Variants in CIB1 observed in about 807,000 individuals in gnomAD.
CIB1 encodes the protein calcium and integrin binding 1, also known as calcium and integrin-binding protein 1.
Under a neutral mutation model 25.0 loss-of-function variants are expected in CIB1, and 19 were observed. The observed-to-expected ratio is 0.76, with a 90% CI of 0.53 to 1.12. The LOEUF is 1.12. CIB1 is among the 50% of genes most tolerant of loss of function. CIB1 has a pLI of 0.00. For missense variants in CIB1, 236 were observed against 242.6 expected (o/e 0.97, Z 0.18); for synonymous variants, 104 against 98.5 (o/e 1.06, Z -0.33).
At chr15:90,231,975 G>C (rs931483220) in intron 3 of CIB1, among the ~76,000 whole-genome samples, 1 of 152,214 alleles carries the variant, frequency 6.6e-6, no homozygotes, top group Non-Finnish European at 1.5e-5. Flanking sequence ...CCTCTTAAGG[G>C]ACAAAACTTC....
Position 90,232,364 on chromosome 15 carries a change from A to C in CIB1, c.87-37T>G. 6.4e-7 allele frequency: 1 copy of C among 1,574,134 alleles called. No individual in the cohort carries two copies. On this transcript the variant is annotated intron_variant, in intron 2 of 6. Coordinates refer to ENST00000328649, the MANE Select transcript of CIB1 (RefSeq NM_006384.4). ...AGGGGAACTGTCGGTGTTCTCAGCGATCGGTCTCCCTGTGTGTTCATTCCC... is the reference window on the plus strand; with the variant it reads ...AGGGGAACTGTCGGTGTTCTCAGCGCTCGGTCTCCCTGTGTGTTCATTCCC...
chr15:90,256,239 G>A, the CIB1 span: 24 of 1,614,144 alleles, frequency 1.5e-5, no homozygotes, highest in Non-Finnish European at 1.9e-5. Flanking sequence ...TTCATTACCC[G>A]AAATCCCCGG....
At chr15:90,258,413 A>G in the CIB1 span, 4 of 740,346 alleles carry the variant, frequency 5.4e-6, no homozygotes, top group Admixed American at 4.8e-5. Context: ...AGCAGAAGGC[A>G]TAAGATCTCT....
the CIB1 span, chr15:90,250,548 T>G: frequency 2.7e-6 from 4 of 1,502,042 alleles, no homozygotes; most frequent in Non-Finnish European, 3.6e-6. Context: ...GGTGGATTCC[T>G]TCAGGCCTTC....
At chr15:90,241,295 C>T in the CIB1 span, 2 of 1,614,192 alleles carry the variant, frequency 1.2e-6, no homozygotes, top group Non-Finnish European at 1.7e-6. Flanking sequence ...TCAACAAGAT[C>T]CGGCCCGGAG....
At chr15:90,257,111 T>C in the CIB1 span, 1 of 1,602,622 alleles carries the variant, frequency 6.2e-7, no homozygotes, top group Non-Finnish European at 8.5e-7. Context: ...AGTGTTATTA[T>C]TCCCTCATGG....
At chr15:90,262,041 T>C in the CIB1 span, 2 of 1,535,642 alleles carry the variant, frequency 1.3e-6, no homozygotes, top group Non-Finnish European at 1.7e-6. Context: ...GTGGCAATGC[T>C]GGACCAGGAA....
At chr15:90,250,670 G>C in the CIB1 span, 1 of 1,614,152 alleles carries the variant, frequency 6.2e-7, no homozygotes, top group Non-Finnish European at 8.5e-7. Flanking sequence ...ATCAGAGGAA[G>C]ACTATGTTGA....
chr15:90,261,309 C>G, the CIB1 span, among the ~76,000 whole-genome samples: 1 of 151,088 alleles, frequency 6.6e-6, no homozygotes, highest in African/African-American at 2.4e-5. Flanking sequence ...GAATTCCCAA[C>G]CTCAAGTGAT....
the CIB1 span, chr15:90,257,242 T>G: frequency 4.3e-6 from 7 of 1,614,120 alleles, 1 homozygote; most frequent in South Asian, 7.7e-5. Context: ...TAGCCCGTTT[T>G]GCCACCACGC....
the CIB1 span, among the ~76,000 whole-genome samples, chr15:90,256,888 A>C: frequency 6.6e-6 from 1 of 151,788 alleles, no homozygotes; most frequent in Non-Finnish European, 1.5e-5. Flanking sequence ...GGGTTTCACC[A>C]TCTTGGCCAG....
the CIB1 span, chr15:90,263,422 C>T: frequency 2.1e-6 from 1 of 483,938 alleles, no homozygotes; most frequent in African/African-American, 1.9e-5. Flanking sequence ...CCCAAAATAA[C>T]CCCACACTCA....
chr15:90,230,574 C>T (rs552698988), intron 6 of CIB1, 69 bp from the exon 7 acceptor site: 10 of 1,498,640 alleles, frequency 6.7e-6, no homozygotes, highest in African/African-American at 1.4e-5. Context: ...GAACTTGCCC[C>T]CTTCTCCCTT....
the CIB1 span, among the ~76,000 whole-genome samples, chr15:90,251,367 AC>A: frequency 7.1e-6 from 1 of 140,874 alleles, no homozygotes; most frequent in Admixed American, 7.7e-5. Context: ...CTTGTGATCC[AC>A]CCGCCTCGGC....
chr15:90,249,586 ACGGCCAC>A, the CIB1 span: 1 of 152,292 alleles, frequency 6.6e-6, no homozygotes, highest in Admixed American at 6.5e-5. Flanking sequence ...AGCCGCAGCC[ACGGCCAC>A]CGGGAGCTAG....
chr15:90,246,523 C>T, the CIB1 span, among the ~76,000 whole-genome samples: 3 of 151,826 alleles, frequency 2.0e-5, no homozygotes, highest in Admixed American at 6.6e-5. Flanking sequence ...TAGTGGCTCA[C>T]GCCTGTAATC....
At chr15:90,263,332 CTTTG>C in the CIB1 span, 1 of 566,258 alleles carries the variant, frequency 1.8e-6, no homozygotes, top group Non-Finnish European at 3.1e-6. Context: ...TCCCAAGCTC[CTTTG>C]TTTTAGATAT....
rs533171898 is a variant in CIB1, at chr15:90,232,670, G to A, written c.87-343C>T. On this transcript the variant is annotated intron_variant, in intron 2 of 6. Transcript: ENST00000328649. ...ACCTGTAATCCCAGCACTTTGGGAG[G>A]CCAAGGCGGGCGGAGCTTTGGAGGT... is the stretch of plus-strand genomic sequence containing the variant. 1.8e-4 allele frequency among the ~76,000 whole-genome samples: 28 copies of A among 152,302 alleles called. No individual in the cohort carries two copies. In the South Asian group the frequency reaches 5.0e-3, roughly 27 times the overall value.
chr15:90,254,319 C>A, the CIB1 span, among the ~76,000 whole-genome samples: 28 of 151,814 alleles, frequency 1.8e-4, no homozygotes, highest in African/African-American at 6.0e-4. Context: ...AGGGTAAAAC[C>A]CCATCTCTAC....
Sources: allele counts gnomAD v4.1 joint callset (sites outside exome capture counted in the v4.1 genomes callset), GRCh38; gene constraint gnomAD v4.1.1; transcripts MANE v1.5; gene names NCBI Gene and HGNC (gene_info 2026-07-23, HGNC 2026-07-21).